RIMBP2: variants seen among roughly 807,000 people sequenced by gnomAD.
RIMBP2 encodes the protein RIMS binding protein 2.
A neutral mutation model predicts 118.6 loss-of-function variants in RIMBP2; 48 were observed. The observed-to-expected ratio is 0.40, with a 90% CI of 0.32 to 0.51. The LOEUF (loss-of-function observed/expected upper bound fraction) is 0.51, where lower values mean the gene tolerates loss of function less well. Ranked by LOEUF, RIMBP2 falls within the 20% of genes least tolerant of loss-of-function variation. The probability of loss-of-function intolerance (pLI) is 0.41; values close to 1 mark genes in which losing one functional copy is unlikely to be tolerated. For synonymous variants in RIMBP2, 762 were observed against 742.9 expected, an observed-to-expected ratio of 1.03 and a Z score of -0.42; for missense variants, 1,551 against 1,768.3, an observed-to-expected ratio of 0.88 and a Z score of 2.20.
At chr12:130,634,062 A>AG (rs1491155557) in intron 1 of RIMBP2, among the ~76,000 whole-genome samples, 1 of 152,184 alleles carries the variant, frequency 6.6e-6, no homozygotes, top group African/African-American at 2.4e-5. Flanking sequence ...AATGAGTCAC[A>AG]GGGGGGACAA....
chr12:130,458,646 G>A (rs1781273598), intron 6 of RIMBP2, among the ~76,000 whole-genome samples: 1 of 152,226 alleles, frequency 6.6e-6, no homozygotes, highest in Non-Finnish European at 1.5e-5. Context: ...TTCCCAGGGT[G>A]TGGAGAAACA....
In RIMBP2 at chr12:130,441,973, T is replaced by C; in HGVS notation, c.1379A>G (p.Asn460Ser). The part of the protein sequence containing the change: ...KAARYKYQFF[N>S]LRPNMAYKVK... ...CTTATAGGCCATGTTGGGCCTGAGA[T>C]TGAAGAACTGGTACTTGTACCTGGC... The change falls in exon 11 of 23, where the codon AAT becomes AGT. Residue 460 changes from asparagine to serine, a missense_variant. By Grantham distance (46) the Asn-to-Ser change is conservative. Transcript: ENST00000690449. 6.2e-7 allele frequency: 1 copy of C among 1,614,150 alleles called. No homozygotes were observed. Among genetic ancestry groups the C allele is most frequent in the Non-Finnish European group, 8.5e-7 (1 of 1,180,036 alleles).
rs546499064 is a variant in RIMBP2, at chr12:130,678,130, G to C, written c.-352+38092C>G. ...AAGTCCCTCCCACAAACAAACCTGG[G>C]TGCAGCCTCTATGACCCTAGACGAC... is the stretch of plus-strand genomic sequence containing the variant. On this transcript the variant is annotated intron_variant, in intron 1 of 22. Transcript: ENST00000690449. Among the ~76,000 whole-genome samples the C allele has an allele frequency of 1.4e-4, 22 of 152,338 alleles. No individual in the cohort carries two copies. In the East Asian group the frequency reaches 3.9e-3, roughly 27 times the overall value.
chr12:130,577,837 A>G (rs2058195529), intron 2 of RIMBP2, among the ~76,000 whole-genome samples: 1 of 152,174 alleles, frequency 6.6e-6, no homozygotes, highest in Admixed American at 6.5e-5. Flanking sequence ...CTCAGAGCTA[A>G]TGTGAAACAT....
chr12:130,562,377 G>C (rs2056885560), intron 2 of RIMBP2, among the ~76,000 whole-genome samples: 1 of 152,206 alleles, frequency 6.6e-6, no homozygotes, highest in African/African-American at 2.4e-5. Context: ...TCCTGGCATA[G>C]ATCAGCCTTC....
chr12:130,541,277 T>C lies in RIMBP2; in HGVS notation c.-216-23360A>G, dbSNP rs1223267177. Among the ~76,000 whole-genome samples, 10 of 152,346 alleles carry C rather than the reference T, an allele frequency of 6.6e-5. No homozygotes were observed. The East Asian group carries it at 1.9e-3, about 29-fold the overall frequency. ...ATTAGAGATCTTTCTTCAGGTTAGCTACACTCTACATGGACGCTTGCTTTC... is the reference window on the plus strand; with the variant it reads ...ATTAGAGATCTTTCTTCAGGTTAGCCACACTCTACATGGACGCTTGCTTTC... On this transcript the variant is annotated intron_variant, in intron 2 of 22. Coordinates refer to ENST00000690449, the MANE Select transcript of RIMBP2 (RefSeq NM_001393629.1).
intron 2 of RIMBP2, among the ~76,000 whole-genome samples, chr12:130,616,455 G>C (rs964759427): frequency 6.6e-6 from 1 of 152,122 alleles, no homozygotes; most frequent in Admixed American, 6.6e-5. Flanking sequence ...AACTACCACG[G>C]TTGCAAACCT....
rs2137292440 is a variant in RIMBP2, at chr12:130,447,938, T to C, written c.581+2262A>G. ...AATGTCTAAGCAGGTTGCTGAATAA[T>C]GACAGCAAGAGGAGACACTGATTAG... On this transcript the variant is annotated intron_variant, in intron 9 of 22. Transcript: ENST00000690449. This position sits in a 1 kb window ranked among gnomAD's most constrained non-coding sequence, Gnocchi z 4.4. 6.6e-6 allele frequency among the ~76,000 whole-genome samples: 1 copy of C among 152,172 alleles called. No individual in the cohort carries two copies. The highest frequency in any genetic ancestry group is 1.5e-5 in the Non-Finnish European group (1 of 67,994).
chr12:130,479,050 G>C (rs1299843789), intron 4 of RIMBP2, 34 bp from the exon 5 acceptor site: 9 of 1,568,990 alleles, frequency 5.7e-6, no homozygotes, highest in Non-Finnish European at 7.9e-6. Context: ...GCTGAGCAGG[G>C]CAGCCTGTGC....
rs767960615 is a variant in RIMBP2 at position 130,428,202 on chromosome 12, C to T, written c.2389G>A (p.Gly797Ser). ...ACCTTGAGGGCATTGTGGGACGTGC[C>T]GCTGGGCCGCCTCCTTCCCCCATCT... ...LEDGGRRRPS[G>S]TSHNALKDCT... Residue 797 changes from glycine to serine, a missense_variant, in exon 15 of 23, where the codon GGC (glycine) becomes AGC (serine). Gly to Ser is a moderately conservative substitution (Grantham distance 56). Coordinates refer to ENST00000690449, the MANE Select transcript of RIMBP2 (RefSeq NM_001393629.1). 92 of 1,612,100 alleles carry T rather than the reference C, an allele frequency of 5.7e-5. No homozygotes were observed. In the Admixed American group the frequency reaches 1.2e-3, roughly 21 times the overall value.
chr12:130,407,871 A>G, intron 19 of RIMBP2, 42 bp from the exon 20 acceptor site: 1 of 1,562,522 alleles, frequency 6.4e-7, no homozygotes, highest in East Asian at 2.2e-5. Flanking sequence ...TCATGAGGTT[A>G]TTTCAAACTT....
chr12:130,479,273 G>A (rs759177343), intron 4 of RIMBP2, among the ~76,000 whole-genome samples: 4 of 152,232 alleles, frequency 2.6e-5, no homozygotes, highest in Non-Finnish European at 5.9e-5. Context: ...GAGCATTTGA[G>A]CAGAACTCTG....
chr12:130,443,663 T>A (rs1765634436), intron 10 of RIMBP2, among the ~76,000 whole-genome samples: 1 of 152,216 alleles, frequency 6.6e-6, no homozygotes, highest in Admixed American at 6.5e-5. Context: ...GTTCCAAACC[T>A]CCACCTAGGG....
chr12:130,500,207 C>G (rs2049606464), intron 4 of RIMBP2, among the ~76,000 whole-genome samples: 1 of 152,186 alleles, frequency 6.6e-6, no homozygotes, highest in South Asian at 2.1e-4. Flanking sequence ...TACTTGTAAT[C>G]CCAGCACTTT....
intron 2 of RIMBP2, among the ~76,000 whole-genome samples, chr12:130,560,086 C>T (rs1189838580): frequency 6.6e-6 from 1 of 152,172 alleles, no homozygotes; most frequent in East Asian, 1.9e-4. Context: ...GGCCAAAGTC[C>T]AGGGTTTGTT....
At chr12:130,507,011 G>A (rs1274122745) in intron 3 of RIMBP2, among the ~76,000 whole-genome samples, 1 of 152,124 alleles carries the variant, frequency 6.6e-6, no homozygotes, top group Non-Finnish European at 1.5e-5. Context: ...CTCAGTGATT[G>A]GTTCAGGGTT....
chr12:130,649,651 T>C (rs933216950), intron 1 of RIMBP2, among the ~76,000 whole-genome samples: 1 of 152,126 alleles, frequency 6.6e-6, no homozygotes, highest in Non-Finnish European at 1.5e-5. Flanking sequence ...TACCCCATGC[T>C]AGGAGGACCA....
chr12:130,424,853 G>A lies in RIMBP2; in HGVS notation c.2418C>T (p.Cys806=). The change falls in exon 16 of 23, where the codon TGC becomes TGT. Residue 806 remains cysteine, a synonymous_variant. Transcript: ENST00000690449. The surrounding 1 kb of genome is among the most constrained non-coding windows in gnomAD (Gnocchi z 9.8). ...TGCCTTCCGAGGTCCTATGGTCAGT[G>A]CAGTCCTTACGGGGTGGTGTGTCAA... ...SGTSHNALKD[C]TDHRTSEGTF... 1.6e-6 allele frequency: 2 copies of A among 1,232,348 alleles called. No individual in the cohort carries two copies. Among genetic ancestry groups the A allele is most frequent in the Non-Finnish European group, 2.0e-6 (2 of 988,084 alleles). 76.3% of individuals were successfully genotyped at this position (1,232,348 alleles called of 1,614,324 possible). A position where few individuals can be genotyped will look rare whatever the true frequency, so the allele number is the denominator to read the frequency against.
chr12:130,529,419 T>C (rs1433157884), intron 2 of RIMBP2, among the ~76,000 whole-genome samples: 1 of 152,052 alleles, frequency 6.6e-6, no homozygotes, highest in Non-Finnish European at 1.5e-5. Context: ...GATAGGCAAA[T>C]CTGCAGAGAC....
Sources: allele counts gnomAD v4.1 joint callset (sites outside exome capture counted in the v4.1 genomes callset), GRCh38; gene constraint gnomAD v4.1.1; non-coding constraint Gnocchi (gnomAD v3.1); transcripts MANE v1.5; gene names NCBI Gene and HGNC (gene_info 2026-07-23, HGNC 2026-07-21).